Variants in KHNYN observed in about 807,000 individuals in gnomAD.
KHNYN encodes the protein protein KHNYN.
A neutral mutation model predicts 62.7 loss-of-function variants in KHNYN; 42 were observed. The ratio of observed to expected loss-of-function variants is 0.67; its 90% CI spans 0.52 to 0.87. KHNYN has a LOEUF of 0.87. KHNYN is among the 40% of genes least tolerant of loss of function. The pLI is 0.00. For missense variants in KHNYN, 829 were observed against 874.1 expected (o/e 0.95, Z 0.65); for synonymous variants, 347 against 345.6 (o/e 1.00, Z -0.04).
At chr14:24,428,715 G>C, upstream of KHNYN, 1 of 1,532,182 alleles carries the variant, frequency 6.5e-7, no homozygotes, top group Non-Finnish European at 8.8e-7. Context: ...GGTCCTTGCA[G>C]GGTCTTTCCA....
Position 24,440,173 on chromosome 14 carries a change from G to A in KHNYN, c.*2888G>A. 1 of 1,613,876 alleles carries A rather than the reference G, an allele frequency of 6.2e-7. No homozygotes were observed. Among genetic ancestry groups the A allele is most frequent in the South Asian group, 1.1e-5 (1 of 91,072 alleles). ...GTGTTCGCTGTGGGATCACCTTCTG[G>A]CCCTCCAGCAGCATGATGGCACGCT... On this transcript the variant is annotated 3_prime_UTR_variant, in exon 8 of 8. Transcript: ENST00000553935.
In KHNYN at chr14:24,438,935, T is replaced by A. The variant is rs1346134315; in HGVS notation, c.*1650T>A. On this transcript the variant is annotated 3_prime_UTR_variant, in exon 8 of 8. Transcript: ENST00000553935. ...GCGAGTGTAATGATGATGGGGAGGG[T>A]CCTTGTGTCCTCACCCCTTCCTTTT... is the stretch of plus-strand genomic sequence containing the variant. The A allele has an allele frequency of 6.6e-6, 1 of 151,700 alleles. No homozygotes were observed. Among genetic ancestry groups the A allele is most frequent in the African/African-American group, 2.4e-5 (1 of 41,196 alleles). The allele number at this position is 151,700 out of a possible 1,614,324, so 9.4% of individuals were successfully genotyped here. A position where few individuals can be genotyped will look rare whatever the true frequency, so the allele number is the denominator to read the frequency against.
chr14:24,430,455 T>C (rs1280585427), intron 1 of KHNYN: 12 of 1,288,208 alleles, frequency 9.3e-6, no homozygotes, highest in Non-Finnish European at 1.2e-5. Context: ...CCCTTCTTGC[T>C]CCGGACTGTG....
At position 24,430,918 on chromosome 14, in the gene KHNYN, C is replaced by G; in HGVS notation, c.188C>G (p.Ala63Gly). The G allele has an allele frequency of 6.2e-7, 1 of 1,612,930 alleles. No individual in the cohort carries two copies. The highest frequency in any genetic ancestry group is 8.5e-7 in the Non-Finnish European group (1 of 1,179,086). The part of the protein sequence containing the change: ...WLQLEGPKEN[A>G]SRAKEYLKGL... Reference sequence around the variant, plus strand: ...CAGCTGGAGGGCCCCAAGGAAAACGCCAGCAGAGCCAAGGTGAACGCCTTC... The same window carrying G: ...CAGCTGGAGGGCCCCAAGGAAAACGGCAGCAGAGCCAAGGTGAACGCCTTC... The change falls in exon 2 of 8, where the codon GCC becomes GGC. Residue 63 changes from alanine to glycine, a missense_variant. Physicochemically the swap from Ala to Gly is moderately conservative, Grantham distance 60. This residue lies in a region of KHNYN where 559 missense variants were observed against 527.0 expected (regional missense o/e 1.06). Transcript: ENST00000553935.
At position 24,439,860 on chromosome 14, in the gene KHNYN, C is replaced by T; in HGVS notation, c.*2575C>T. On this transcript the variant is annotated 3_prime_UTR_variant, in exon 8 of 8. Coordinates refer to ENST00000553935, the MANE Select transcript of KHNYN (RefSeq NM_015299.3). ...GGCAGCTGCAGGACATGTAGAGAAA[C>T]CAAACTGGGAAATCTTACAAGGAGT... The T allele has an allele frequency of 2.0e-6, 1 of 497,794 alleles. No homozygotes were observed. Among genetic ancestry groups the T allele is most frequent in the South Asian group, 3.5e-5 (1 of 28,532 alleles). 30.8% of individuals were successfully genotyped at this position (497,794 alleles called of 1,614,324 possible).
At chr14:24,434,130 T>A (rs2043169340) in intron 5 of KHNYN, 1 of 984,604 alleles carries the variant, frequency 1.0e-6, no homozygotes, top group Admixed American at 6.1e-5. Flanking sequence ...TATGGAATCT[T>A]CTTTCCACAC....
rs750247971 is a variant in KHNYN at position 24,432,600 on chromosome 14, G to T, written c.1339G>T (p.Val447Leu). ...LRHIVIDGSN[V>L]AMVHGLQHYF... ...CCATATTGTCATTGACGGCAGCAAC[G>T]TGGCCATGGTGTGAGTACCTGGTGG... The change falls in exon 3 of 8, where the codon GTG (valine) becomes TTG (leucine). Residue 447 changes from valine to leucine, a missense_variant. By Grantham distance (32) the Val-to-Leu change is conservative. Transcript: ENST00000553935. The surrounding 1 kb of genome is among the most constrained non-coding windows in gnomAD (Gnocchi z 5.6). The T allele has an allele frequency of 3.1e-6, 5 of 1,606,046 alleles. No individual in the cohort carries two copies. The highest frequency in any genetic ancestry group is 4.3e-6 in the Non-Finnish European group (5 of 1,174,088).
At chr14:24,427,648 G>T, upstream of KHNYN, 1 of 783,998 alleles carries the variant, frequency 1.3e-6, no homozygotes, top group East Asian at 2.4e-5. The surrounding 1 kb of genome is among the most constrained non-coding windows in gnomAD (Gnocchi z 4.4). Context: ...TTAAACTTGG[G>T]TGTTTGGCAC....
Position 24,440,873 on chromosome 14 carries a change from C to A in KHNYN, c.*3588C>A. 1 of 1,614,016 alleles carries A rather than the reference C, an allele frequency of 6.2e-7. No homozygotes were observed. The highest frequency in any genetic ancestry group is 8.5e-7 in the Non-Finnish European group (1 of 1,179,882). ...ACGAGGTTGGAGAAAAAGTCAAAGTCCCCTCCTGGGCTGTCTTCATCATAC... is the reference window on the plus strand; with the variant it reads ...ACGAGGTTGGAGAAAAAGTCAAAGTACCCTCCTGGGCTGTCTTCATCATAC... On this transcript the variant is annotated 3_prime_UTR_variant, in exon 8 of 8. Transcript: ENST00000553935.
chr14:24,440,727 T>C lies in KHNYN; in HGVS notation c.*3442T>C. The C allele has an allele frequency of 1.9e-6, 3 of 1,588,046 alleles. No individual in the cohort carries two copies. Among genetic ancestry groups the C allele is most frequent in the Non-Finnish European group, 2.6e-6 (3 of 1,164,092 alleles). On this transcript the variant is annotated 3_prime_UTR_variant, in exon 8 of 8. Transcript: ENST00000553935. The stretch of plus-strand genomic sequence containing the variant: ...TCTCAGCTCTCCTAATCCCATCACT[T>C]CCCCAGCCCAGAGAAGACATTCCAA...
upstream of KHNYN, chr14:24,429,854 C>T (rs928448499): frequency 4.0e-6 from 4 of 1,012,430 alleles, no homozygotes; most frequent in African/African-American, 7.0e-5. Flanking sequence ...CGAGCGGGCC[C>T]GTCGGGGCCT....
Position 24,432,956 on chromosome 14 carries a change from C to G in KHNYN, c.1501C>G (p.Leu501Val). The stretch of plus-strand genomic sequence containing the variant: ...AATAGAGAGTCACTTCCTGCAAAAG[C>G]TGTATTCCCTCAGCCTGCTCTCCCT... The part of the protein sequence containing the change: ...KVRESHFLQK[L>V]YSLSLLSLTP... The change falls in exon 5 of 8, where the codon CTG becomes GTG. Residue 501 changes from leucine (L) to valine (V), a missense_variant. Coordinates refer to ENST00000553935, the MANE Select transcript of KHNYN (RefSeq NM_015299.3). This position sits in a 1 kb window ranked among gnomAD's most constrained non-coding sequence, Gnocchi z 5.6. 1 of 1,614,172 alleles carries G rather than the reference C, an allele frequency of 6.2e-7. No individual in the cohort carries two copies. The highest frequency in any genetic ancestry group is 8.5e-7 in the Non-Finnish European group (1 of 1,180,000).
chr14:24,430,749 C>A lies in KHNYN; in HGVS notation c.19C>A (p.Arg7Ser). ...AGCAGCCATGCCTACCTGGGGGGCCCGCCCCGCGTCCCCAGATCGCTTTGC... is the reference window on the plus strand; with the variant it reads ...AGCAGCCATGCCTACCTGGGGGGCCAGCCCCGCGTCCCCAGATCGCTTTGC... MPTWGARPASPDRFAVS... is the reference protein window; with the variant it reads MPTWGASPASPDRFAVS... The change falls in exon 2 of 8, where the codon CGC becomes AGC. Residue 7 changes from arginine to serine, a missense_variant. Arg to Ser is a moderately radical substitution (Grantham distance 110, BLOSUM62 -1). This residue lies in a region of KHNYN where 559 missense variants were observed against 527.0 expected (regional missense o/e 1.06). Transcript: ENST00000553935. 6.4e-7 allele frequency: 1 copy of A among 1,570,712 alleles called. No homozygotes were observed. The highest frequency in any genetic ancestry group is 8.6e-7 in the Non-Finnish European group (1 of 1,157,770).
Position 24,432,663 on chromosome 14 carries a change from G to A in KHNYN, c.1349+53G>A. The A allele has an allele frequency of 6.2e-7, 1 of 1,613,536 alleles. No homozygotes were observed. The highest frequency in any genetic ancestry group is 1.7e-5 in the Admixed American group (1 of 60,004). On this transcript the variant is annotated intron_variant, in intron 3 of 7. Coordinates refer to ENST00000553935, the MANE Select transcript of KHNYN (RefSeq NM_015299.3). The surrounding 1 kb of genome is among the most constrained non-coding windows in gnomAD (Gnocchi z 5.6). ...AGGAGAGGGAGGATATGTCCTGAGGGGCTGGCATTGTAGCCAGGGTGCCAA... is the reference window on the plus strand; with the variant it reads ...AGGAGAGGGAGGATATGTCCTGAGGAGCTGGCATTGTAGCCAGGGTGCCAA...
chr14:24,438,638 C>T lies in KHNYN; in HGVS notation c.*1353C>T, dbSNP rs1295409860. 6.6e-6 allele frequency: 1 copy of T among 152,206 alleles called. No homozygotes were observed. The highest frequency in any genetic ancestry group is 1.9e-4 in the East Asian group (1 of 5,194). The allele number at this position is 152,206 out of a possible 1,614,324, so 9.4% of individuals were successfully genotyped here. ...GGAATTTACTATCTCCAGGGTAGCA[C>T]ATTCCCTGTGTAGACGGTATTAATC... On this transcript the variant is annotated 3_prime_UTR_variant, in exon 8 of 8. Coordinates refer to ENST00000553935, the MANE Select transcript of KHNYN (RefSeq NM_015299.3).
upstream of KHNYN, chr14:24,427,494 G>T (rs113791311): frequency 1.5e-5 from 6 of 392,274 alleles, no homozygotes; most frequent in South Asian, 1.3e-4. The surrounding 1 kb of genome is among the most constrained non-coding windows in gnomAD (Gnocchi z 4.4). Flanking sequence ...AGGCCGCAAA[G>T]TAGTGCAGAT....
At position 24,437,085 on chromosome 14, in the gene KHNYN, C is replaced by T. The variant is rs2139397454; in HGVS notation, c.1837C>T (p.His613Tyr). ...AQHPSRGFAEHGKQQQGREEE... is the reference protein window; with the variant it reads ...AQHPSRGFAEYGKQQQGREEE... ...GCATCCTTCCAGGGGCTTTGCAGAACATGGTAAACAGCAGCAGGGGAGAGA... is the reference window on the plus strand; with the variant it reads ...GCATCCTTCCAGGGGCTTTGCAGAATATGGTAAACAGCAGCAGGGGAGAGA... Residue 613 changes from histidine to tyrosine, a missense_variant, in exon 8 of 8, where the codon CAT becomes TAT. Physicochemically the swap from His to Tyr is moderately conservative, Grantham distance 83 (BLOSUM62 2). Around this residue, in one of 2 missense-constraint regions of KHNYN, gnomAD observed 270 missense variants for 347.1 expected, o/e 0.78. Coordinates refer to ENST00000553935, the MANE Select transcript of KHNYN (RefSeq NM_015299.3). The surrounding 1 kb of genome is among the most constrained non-coding windows in gnomAD (Gnocchi z 5.5). 1 of 1,614,150 alleles carries T rather than the reference C, an allele frequency of 6.2e-7. No homozygotes were observed. Among genetic ancestry groups the T allele is most frequent in the Non-Finnish European group, 8.5e-7 (1 of 1,180,022 alleles).
At chr14:24,429,310 G>A (rs1454749796), upstream of KHNYN, 2 of 682,064 alleles carry the variant, frequency 2.9e-6, no homozygotes, top group East Asian at 5.6e-5. Context: ...GGATGAAGCC[G>A]CCTGCCCACT....
In KHNYN at chr14:24,439,931, A is replaced by T. The variant is rs1413799729; in HGVS notation, c.*2646A>T. 1 of 637,694 alleles carries T rather than the reference A, an allele frequency of 1.6e-6. No homozygotes were observed. The highest frequency in any genetic ancestry group is 1.8e-5 in the African/African-American group (1 of 54,866). 39.5% of individuals were successfully genotyped at this position (637,694 alleles called of 1,614,324 possible). ...CCTGATGAGATTACGGCCTTGAGAC[A>T]ATAAGGTGGAGCAACAGAACAATGG... On this transcript the variant is annotated 3_prime_UTR_variant, in exon 8 of 8. Coordinates refer to ENST00000553935, the MANE Select transcript of KHNYN (RefSeq NM_015299.3).
Sources: allele counts gnomAD v4.1 joint callset, GRCh38; gene constraint gnomAD v4.1.1; regional missense constraint gnomAD v4.1.1; non-coding constraint Gnocchi (gnomAD v3.1); transcripts MANE v1.5; gene names NCBI Gene and HGNC (gene_info 2026-07-23, HGNC 2026-07-21).